Variants in DNAJC13 observed in about 807,000 individuals in gnomAD.
DNAJC13 encodes DnaJ heat shock protein family (Hsp40) member C13, also known as dnaJ homolog subfamily C member 13.
In DNAJC13, 75 loss-of-function variants were observed where a neutral mutation model predicts 290.5. That is an observed-to-expected ratio of 0.26 (90% CI 0.21 to 0.31). The LOEUF is 0.31. DNAJC13 is among the 10% of genes least tolerant of loss of function. DNAJC13 has a pLI of 1.00. For missense variants in DNAJC13, 2,260 were observed against 2,674.5 expected (o/e 0.85, Z 3.42); for synonymous variants, 862 against 892.0 (o/e 0.97, Z 0.60).
At position 132,492,605 on chromosome 3, in the gene DNAJC13, T is replaced by C. The variant is rs752110942; in HGVS notation, c.3815T>C (p.Ile1272Thr). Residue 1272 changes from isoleucine (I) to threonine (T), a missense_variant, in exon 33 of 56, where the codon ATT (isoleucine) becomes ACT (threonine). This residue lies in a region of DNAJC13 where 1,494 missense variants were observed against 1,693.7 expected (regional missense o/e 0.88). Coordinates refer to ENST00000260818, the MANE Select transcript of DNAJC13 (RefSeq NM_015268.4). ...CDTLRFPDWP[I>T]KDPVKLLKDT... ...ACACTCCGGTTTCCAGATTGGCCAA[T>C]TAAAGACCCGGTAAGTCAGCAGTTT... 9.3e-6 allele frequency: 15 copies of C among 1,613,432 alleles called. No individual in the cohort carries two copies. Among genetic ancestry groups the C allele is most frequent in the Non-Finnish European group, 1.1e-5 (13 of 1,179,650 alleles).
intron 5 of DNAJC13, among the ~76,000 whole-genome samples, chr3:132,449,585 G>A (rs1415311548): frequency 1.3e-5 from 2 of 152,184 alleles, no homozygotes; most frequent in East Asian, 1.9e-4. Context: ...GCATAGATCA[G>A]TAATGTTGAG....
intron 36 of DNAJC13, among the ~76,000 whole-genome samples, chr3:132,497,595 G>A (rs1300612863): frequency 3.9e-5 from 6 of 152,202 alleles, no homozygotes; most frequent in African/African-American, 9.6e-5. Flanking sequence ...AACAGAATAC[G>A]TTTATAATAC....
chr3:132,499,702 G>A, intron 37 of DNAJC13, 32 bp from the exon 38 acceptor site: 1 of 1,603,388 alleles, frequency 6.2e-7, no homozygotes, highest in Non-Finnish European at 8.5e-7. Flanking sequence ...AAGTCAAAAT[G>A]GAGAGTTAAT....
At position 132,490,850 on chromosome 3, in the gene DNAJC13, T is replaced by G. The variant is rs774782813; in HGVS notation, c.3469-47T>G. ...AAATCATTTATTAGAAAATTGAAAG[T>G]TAACTTTAGTGTTTTTGACTACCTT... On this transcript the variant is annotated intron_variant, in intron 31 of 55. Coordinates refer to ENST00000260818, the MANE Select transcript of DNAJC13 (RefSeq NM_015268.4). 1.5e-5 allele frequency: 22 copies of G among 1,437,758 alleles called. 2 individuals carry two copies. In the Middle Eastern group the frequency reaches 7.3e-4, roughly 48 times the overall value. The allele number at this position is 1,437,758 out of a possible 1,614,324, so 89.1% of individuals were successfully genotyped here. A position where few individuals can be genotyped will look rare whatever the true frequency, so the allele number is the denominator to read the frequency against.
chr3:132,526,096 TA>T, intron 52 of DNAJC13, 44 bp from the exon 53 acceptor site: 1 of 1,606,888 alleles, frequency 6.2e-7, no homozygotes, highest in East Asian at 2.2e-5. Context: ...CTATGTTATA[TA>T]AATATTGCCA....
rs758913214 is a variant in DNAJC13, at chr3:132,499,806, C to A, written c.4414C>A (p.Gln1472Lys). 1.8e-5 allele frequency: 29 copies of A among 1,613,504 alleles called. No homozygotes were observed. In the African/African-American group the frequency reaches 2.5e-4, roughly 14 times the overall value. Residue 1472 changes from glutamine to lysine, a missense_variant and splice_region_variant, in exon 38 of 56, where the codon CAG (glutamine) becomes AAG (lysine). Coordinates refer to ENST00000260818, the MANE Select transcript of DNAJC13 (RefSeq NM_015268.4). ...RASKPSDMSV[Q>K]VCGYISKCYS... ...TAGTAAACCAAGTGACATGTCAGTA[C>A]AGGTGAGGCTAAAACCTGTGGTTCC... is the stretch of plus-strand genomic sequence containing the variant.
At chr3:132,470,705 G>A (rs1246140653) in intron 20 of DNAJC13, among the ~76,000 whole-genome samples, 4 of 112,274 alleles carry the variant, frequency 3.6e-5, no homozygotes, top group African/African-American at 1.1e-4. Context: ...GCGGCTGGCC[G>A]GGCAGAGGGG....
In DNAJC13 at chr3:132,456,340, C is replaced by T; in HGVS notation, c.1038C>T (p.Leu346=). ...PTHKGQRWGL[L]SMPVDEEVES... ...ATAAAGGTCAGCGATGGGGGTTACT[C>T]AGCATGCCTGTTGATGAGGAAGTAG... Residue 346 remains leucine, a synonymous_variant, in exon 10 of 56, where the codon CTC becomes CTT. Coordinates refer to ENST00000260818, the MANE Select transcript of DNAJC13 (RefSeq NM_015268.4). 3 of 1,613,974 alleles carry T rather than the reference C, an allele frequency of 1.9e-6. No homozygotes were observed. Among genetic ancestry groups the T allele is most frequent in the Non-Finnish European group, 2.5e-6 (3 of 1,179,904 alleles).
At chr3:132,466,185 GAGTTACCGTAA>G (rs774896599) in intron 18 of DNAJC13, 103 bp from the exon 19 acceptor site, 10 of 1,379,532 alleles carry the variant, frequency 7.2e-6, no homozygotes, top group Non-Finnish European at 1.0e-5. Flanking sequence ...TTTATCATAG[GAGTTACCGTAA>G]AGTTTTACCC....
intron 28 of DNAJC13, chr3:132,484,239 C>T: frequency 3.2e-6 from 1 of 310,102 alleles, no homozygotes. Context: ...ATAGTTAAAT[C>T]AAGGTTTAAA....
intron 2 of DNAJC13, among the ~76,000 whole-genome samples, chr3:132,439,634 G>A (rs1404670737): frequency 6.6e-6 from 1 of 152,138 alleles, no homozygotes; most frequent in Admixed American, 6.5e-5. Flanking sequence ...TTCACAAAAT[G>A]TTGTGTTGAA....
intron 5 of DNAJC13, among the ~76,000 whole-genome samples, chr3:132,448,391 G>A (rs1670094973): frequency 6.6e-6 from 1 of 152,114 alleles, no homozygotes; most frequent in Admixed American, 6.5e-5. Flanking sequence ...GGCCTGTACT[G>A]AAGCTTGGCA....
intron 2 of DNAJC13, among the ~76,000 whole-genome samples, chr3:132,441,835 T>C (rs775000009): frequency 5.3e-5 from 8 of 152,158 alleles, no homozygotes; most frequent in Non-Finnish European, 1.2e-4. Context: ...TTAGCTCTTA[T>C]TACTTTGAAG....
chr3:132,427,346 G>C (rs1939126548), intron 1 of DNAJC13, among the ~76,000 whole-genome samples: 1 of 151,718 alleles, frequency 6.6e-6, no homozygotes, highest in Non-Finnish European at 1.5e-5. Context: ...CATGTTGCCT[G>C]GGCTGGTCTT....
chr3:132,482,885 C>G (rs1359144706), intron 27 of DNAJC13, among the ~76,000 whole-genome samples: 4 of 151,824 alleles, frequency 2.6e-5, no homozygotes, highest in Admixed American at 2.0e-4. Flanking sequence ...AAAAAGCTAT[C>G]TTAGTACTTA....
At chr3:132,498,662 CATTTAAG>C (rs1215959692) in intron 36 of DNAJC13, among the ~76,000 whole-genome samples, 1 of 151,902 alleles carries the variant, frequency 6.6e-6, no homozygotes, top group East Asian at 1.9e-4. Flanking sequence ...CATTAGGAGG[CATTTAAG>C]ATGTTAAGAT....
chr3:132,522,780 AG>A lies in DNAJC13; in HGVS notation c.5674-46del. ...TTAGCAAAATACAAACAAAATATTG[AG>A]GTGTTTCCAATAGGTGTCTTTTTCA... On this transcript the variant is annotated intron_variant, in intron 48 of 55. Transcript: ENST00000260818. The A allele has an allele frequency of 2.1e-6, 3 of 1,439,374 alleles. No homozygotes were observed. In the South Asian group the frequency reaches 3.9e-5, roughly 19 times the overall value. 89.2% of individuals were successfully genotyped at this position (1,439,374 alleles called of 1,614,324 possible).
At chr3:132,511,987 A>G (rs1576511908) in intron 44 of DNAJC13, among the ~76,000 whole-genome samples, 1 of 152,202 alleles carries the variant, frequency 6.6e-6, no homozygotes, top group East Asian at 1.9e-4. Context: ...TTTAAATAAA[A>G]TAACAGTAAT....
chr3:132,504,413 T>G (rs1397849394), intron 41 of DNAJC13, among the ~76,000 whole-genome samples: 1 of 152,086 alleles, frequency 6.6e-6, no homozygotes, highest in Non-Finnish European at 1.5e-5. Flanking sequence ...CTGGACTTTT[T>G]GCTCACCAAT....
Sources: gnomAD v4.1 joint callset for allele counts (sites outside exome capture counted in the v4.1 genomes callset) on GRCh38, gnomAD v4.1.1 for gene constraint, gnomAD v4.1.1 regional missense constraint, MANE v1.5 for transcripts, NCBI Gene and HGNC (gene_info 2026-07-23, HGNC 2026-07-21) for gene names.